MGAM: variants seen among roughly 807,000 people sequenced by gnomAD.
The protein encoded by MGAM is maltase-glucoamylase.
In MGAM, 253 loss-of-function variants were observed where a neutral mutation model predicts 358.8. That is an observed-to-expected ratio of 0.71 (90% CI 0.64 to 0.78). The LOEUF (loss-of-function observed/expected upper bound fraction) is 0.78, where lower values mean the gene tolerates loss of function less well. MGAM is among the 30% of genes least tolerant of loss of function. The pLI, the probability that MGAM is intolerant of heterozygous loss-of-function variation, is 0.00. For synonymous variants in MGAM, 1,105 were observed against 1,227.1 expected (o/e 0.90, Z 2.08); for missense variants, 3,080 against 3,432.6 (o/e 0.90, Z 2.57).
Position 142,027,235 on chromosome 7 carries a change from T to C in MGAM, c.1095+8T>C, listed in dbSNP as rs1807064962. On this transcript the variant is annotated splice_region_variant and intron_variant, in intron 9 of 70. Coordinates refer to ENST00000475668, the MANE Select transcript of MGAM (RefSeq NM_001365693.1). ...GTTCAAGAATATCTAGAGGTAAACT[T>C]AGGATGTCAAGATTATGACTCAGGA... The C allele has an allele frequency of 6.3e-7, 1 of 1,584,212 alleles. No homozygotes were observed. The highest frequency in any genetic ancestry group is 8.7e-7 in the Non-Finnish European group (1 of 1,153,230).
chr7:142,103,232 C>G (rs751622779), intron 69 of MGAM, 37 bp from the exon 70 acceptor site: 64 of 1,492,758 alleles, frequency 4.3e-5, no homozygotes, highest in Non-Finnish European at 8.1e-6. Context: ...TGAACTAATT[C>G]TGCTATTATA....
intron 9 of MGAM, 79 bp downstream of exon 9, chr7:142,027,306 G>A: frequency 2.6e-6 from 3 of 1,151,756 alleles, no homozygotes; most frequent in Non-Finnish European, 3.9e-6. Flanking sequence ...TCATGTGCAA[G>A]TGTGACCCAC....
chr7:142,082,668 ATCT>A lies in MGAM; in HGVS notation c.6268+100_6268+102del, dbSNP rs542701360. ...AGCCTAACTGTTCCTTGAAGTCAAA[ATCT>A]TCATTTTACGGGCACTGCTGTTTAT... On this transcript the variant is annotated intron_variant, in intron 52 of 70. Coordinates refer to ENST00000475668, the MANE Select transcript of MGAM (RefSeq NM_001365693.1). The A allele has an allele frequency of 2.8e-4, 293 of 1,043,840 alleles. 7 individuals are homozygous for A. The African/African-American group carries it at 4.0e-3, about 14-fold the overall frequency. 64.7% of individuals were successfully genotyped at this position (1,043,840 alleles called of 1,614,324 possible). A position where few individuals can be genotyped will look rare whatever the true frequency, so the allele number is the denominator to read the frequency against.
intron 8 of MGAM, among the ~76,000 whole-genome samples, chr7:142,025,800 A>G (rs1482845424): frequency 6.6e-6 from 1 of 152,224 alleles, no homozygotes; most frequent in Non-Finnish European, 1.5e-5. Flanking sequence ...AACAAAATAA[A>G]GATCTGATTC....
At chr7:142,098,457 C>A (rs1452249594) in intron 66 of MGAM, among the ~76,000 whole-genome samples, 1 of 152,148 alleles carries the variant, frequency 6.6e-6, no homozygotes, top group South Asian at 2.1e-4. Flanking sequence ...CAAAGGGGTA[C>A]AAGCAGGGAT....
intron 1 of MGAM, among the ~76,000 whole-genome samples, chr7:141,996,254 T>C (rs1174571907): frequency 6.8e-6 from 1 of 147,822 alleles, no homozygotes; most frequent in East Asian, 2.0e-4. Flanking sequence ...TGAGCCGAGA[T>C]CACGCCACTG....
At chr7:141,992,969 C>A (rs1378347948), upstream of MGAM, among the ~76,000 whole-genome samples, 2 of 152,112 alleles carry the variant, frequency 1.3e-5, no homozygotes, top group East Asian at 3.8e-4. Flanking sequence ...TTCTATGATG[C>A]CAAAGAAACA....
chr7:142,070,349 G>A (rs1282348402), intron 43 of MGAM, among the ~76,000 whole-genome samples: 1 of 146,320 alleles, frequency 6.8e-6, no homozygotes, highest in Non-Finnish European at 1.5e-5. Flanking sequence ...GGCAAACTAT[G>A]GCCCACAGCC....
intron 10 of MGAM, 126 bp downstream of exon 10, chr7:142,027,861 A>G: frequency 1.9e-6 from 2 of 1,076,258 alleles, no homozygotes; most frequent in Non-Finnish European, 2.5e-6. Context: ...GGAGTTTTAG[A>G]TATTCAGAAT....
intron 42 of MGAM, among the ~76,000 whole-genome samples, chr7:142,067,976 A>T: frequency 3.9e-4 from 2 of 5,188 alleles, no homozygotes; most frequent in Non-Finnish European, 7.8e-4. Context: ...ATATATATAT[A>T]TATATATATA....
Position 142,103,431 on chromosome 7 carries a change from A to G in MGAM, c.8176A>G (p.Thr2726Ala), listed in dbSNP as rs750453309. Residue 2726 changes from threonine to alanine, a missense_variant, in exon 70 of 71, where the codon ACG (threonine) becomes GCG (alanine). Around this residue, in one of 5 missense-constraint regions of MGAM, gnomAD observed 194 missense variants for 172.8 expected, o/e 1.12. Transcript: ENST00000475668. ...AACACCCTCCTTCAACAATGACCCC[A>G]CGACACAGGTTTGTGACCAGCAAAA... is the stretch of plus-strand genomic sequence containing the variant. Reference protein sequence around the residue: ...VITPSFNNDPTTQVLSIDVTD... With the variant: ...VITPSFNNDPATQVLSIDVTD... The G allele has an allele frequency of 6.2e-7, 1 of 1,603,592 alleles. No homozygotes were observed. Among genetic ancestry groups the G allele is most frequent in the South Asian group, 1.1e-5 (1 of 89,108 alleles).
At position 142,043,707 on chromosome 7, in the gene MGAM, T is replaced by C. The variant is rs1216526575; in HGVS notation, c.2498+2861T>C. On this transcript the variant is annotated intron_variant, in intron 21 of 70. Coordinates refer to ENST00000475668, the MANE Select transcript of MGAM (RefSeq NM_001365693.1). ...TATCTAATATATAATACATATATTATATATCATGTAATATGTAATATATAA... is the reference window on the plus strand; with the variant it reads ...TATCTAATATATAATACATATATTACATATCATGTAATATGTAATATATAA... Among the ~76,000 whole-genome samples the C allele has an allele frequency of 3.1e-4, 42 of 137,512 alleles. 1 individual carries two copies. Among genetic ancestry groups the C allele is most frequent in the East Asian group, 2.8e-3 (13 of 4,704 alleles). The allele number at this position is 137,512 out of a possible 152,430, so 90.2% of individuals were successfully genotyped here.
upstream of MGAM, among the ~76,000 whole-genome samples, chr7:141,994,515 G>T (rs781997671): frequency 2.0e-5 from 3 of 152,212 alleles, no homozygotes; most frequent in Non-Finnish European, 4.4e-5. Flanking sequence ...TCAAGACTAG[G>T]TGGTGTCTGT....
chr7:142,030,732 A>G lies in MGAM; in HGVS notation c.1445A>G (p.Asp482Gly). ...ATGAAGATATGGGTGAATAGTTCAG[A>G]TGGAGTGACTCCACTCATTGGGGAG... ...SDMKIWVNSSDGVTPLIGEVW... is the reference protein window; with the variant it reads ...SDMKIWVNSSGGVTPLIGEVW... Residue 482 changes from aspartate (D) to glycine (G), a missense_variant, in exon 12 of 71, where the codon GAT becomes GGT. Around this residue, in one of 5 missense-constraint regions of MGAM, gnomAD observed 1,816 missense variants for 1,840.5 expected, o/e 0.99. Transcript: ENST00000475668. The G allele has an allele frequency of 6.2e-7, 1 of 1,609,978 alleles. No individual in the cohort carries two copies. The highest frequency in any genetic ancestry group is 1.3e-5 in the African/African-American group (1 of 74,864).
rs1189534049 is a variant in MGAM at position 142,090,419 on chromosome 7, T to A, written c.6811-1494T>A. Reference sequence around the variant, plus strand: ...GAGCTCTCTGTTTCTGGTGAAAGATTCTCTTTGTCAGGTTTCCTAGCTTCT... The same window carrying A: ...GAGCTCTCTGTTTCTGGTGAAAGATACTCTTTGTCAGGTTTCCTAGCTTCT... On this transcript the variant is annotated intron_variant, in intron 57 of 70. Coordinates refer to ENST00000475668, the MANE Select transcript of MGAM (RefSeq NM_001365693.1). Among the ~76,000 whole-genome samples the A allele has an allele frequency of 1.4e-5, 2 of 145,580 alleles. 1 individual carries two copies. Among genetic ancestry groups the A allele is most frequent in the Non-Finnish European group, 3.1e-5 (2 of 64,360 alleles).
chr7:142,048,929 C>T (rs1810674580), intron 22 of MGAM, among the ~76,000 whole-genome samples: 1 of 152,034 alleles, frequency 6.6e-6, no homozygotes, highest in African/African-American at 2.4e-5. Flanking sequence ...GGAACAGATC[C>T]ATCACCACCC....
rs1385718091 is a variant in MGAM at position 142,106,069 on chromosome 7, G to C, written c.*178G>C. 1.9e-6 allele frequency: 1 copy of C among 532,768 alleles called. No homozygotes were observed. Among genetic ancestry groups the C allele is most frequent in the East Asian group, 3.3e-5 (1 of 30,088 alleles). The allele number at this position is 532,768 out of a possible 1,614,324, so 33.0% of individuals were successfully genotyped here. A position where few individuals can be genotyped will look rare whatever the true frequency, so the allele number is the denominator to read the frequency against. On this transcript the variant is annotated 3_prime_UTR_variant, in exon 71 of 71. Coordinates refer to ENST00000475668, the MANE Select transcript of MGAM (RefSeq NM_001365693.1). ...TAAAGGTTAAACCTTAGCCCTGTGG[G>C]ATAGGCAGTTAGGGAGGTGTGGAAA...
intron 34 of MGAM, among the ~76,000 whole-genome samples, chr7:142,061,943 T>C (rs1812243229): frequency 6.6e-6 from 1 of 152,196 alleles, no homozygotes; most frequent in South Asian, 2.1e-4. Context: ...TGAATCTTTC[T>C]TTCAGGTTAA....
chr7:142,020,083 AAAT>A (rs1806300126), intron 4 of MGAM, among the ~76,000 whole-genome samples: 1 of 151,702 alleles, frequency 6.6e-6, no homozygotes, highest in Admixed American at 6.6e-5. Flanking sequence ...AAAAAAAAAA[AAAT>A]GCAGAGTATA....
Sources: gnomAD v4.1 joint callset for allele counts (sites outside exome capture counted in the v4.1 genomes callset) on GRCh38, gnomAD v4.1.1 for gene constraint, gnomAD v4.1.1 regional missense constraint, MANE v1.5 for transcripts, NCBI Gene and HGNC (gene_info 2026-07-23, HGNC 2026-07-21) for gene names.